TOR1AIP2: variants seen among roughly 807,000 people sequenced by gnomAD.
The protein encoded by TOR1AIP2 is torsin-1A-interacting protein 2.
A neutral mutation model predicts 32.6 loss-of-function variants in TOR1AIP2; 20 were observed. The ratio of observed to expected loss-of-function variants is 0.61; its 90% confidence interval spans 0.43 to 0.89. The LOEUF is 0.89. TOR1AIP2 is among the 40% of genes least tolerant of loss of function. The probability of loss-of-function intolerance (pLI) is 0.00; values close to 1 mark genes in which losing one functional copy is unlikely to be tolerated. For synonymous variants in TOR1AIP2, 214 were observed against 210.8 expected (o/e 1.02, Z -0.13); for missense variants, 456 against 553.8 (o/e 0.82, Z 1.77).
At position 179,840,553 on chromosome 1, in the gene TOR1AIP2, G is replaced by A. The variant is rs1337272892; in HGVS notation, c.*5518C>T. On this transcript the variant is annotated 3_prime_UTR_variant, in exon 7 of 7. Transcript: ENST00000609928. ...TAATACTGGAAGGAAAGGTACTGAAGACTAAGGTATTTACCTTTTTGCAGA... is the reference window on the plus strand; with the variant it reads ...TAATACTGGAAGGAAAGGTACTGAAAACTAAGGTATTTACCTTTTTGCAGA... 4 of 152,182 alleles carry A rather than the reference G, an allele frequency of 2.6e-5. No individual in the cohort carries two copies. The highest frequency in any genetic ancestry group is 5.9e-5 in the Non-Finnish European group (4 of 68,054). 9.4% of individuals were successfully genotyped at this position (152,182 alleles called of 1,614,324 possible).
In TOR1AIP2 at chr1:179,846,769, A is replaced by C. The variant is rs1695923365; in HGVS notation, c.715T>G (p.Tyr239Asp). The C allele has an allele frequency of 6.2e-7, 1 of 1,613,568 alleles. No individual in the cohort carries two copies. The highest frequency in any genetic ancestry group is 8.5e-7 in the Non-Finnish European group (1 of 1,179,878). The change falls in exon 7 of 7, where the codon TAT becomes GAT. Residue 239 changes from tyrosine to aspartate, a missense_variant. Transcript: ENST00000609928. Reference sequence around the variant, plus strand: ...GGCACTTGCTGGGCTGGAGAGGAATAGTAGCTATTCACAGAACTTGCCACA... The same window carrying C: ...GGCACTTGCTGGGCTGGAGAGGAATCGTAGCTATTCACAGAACTTGCCACA... ...AVVASSVNSYYSSPAQQVPKN... is the reference protein window; with the variant it reads ...AVVASSVNSYDSSPAQQVPKN...
In TOR1AIP2 at chr1:179,877,251, TTGAG is replaced by T. The variant is rs1473409603; in HGVS notation, c.-582_-579del. 9 of 152,102 alleles carry T rather than the reference TTGAG, an allele frequency of 5.9e-5. No individual in the cohort carries two copies. The highest frequency in any genetic ancestry group is 2.2e-4 in the African/African-American group (9 of 41,414). The allele number at this position is 152,102 out of a possible 1,614,324, so 9.4% of individuals were successfully genotyped here. A position where few individuals can be genotyped will look rare whatever the true frequency, so the allele number is the denominator to read the frequency against. On this transcript the variant is annotated 5_prime_UTR_variant, in exon 2 of 7. Transcript: ENST00000609928. ...ACCCCCAACCTACCTCGTTTACTGT[TTGAG>T]TGAGGCCAGGCGTGGTGGCTCACGC...
At chr1:179,857,914 G>A (rs1433572544) in intron 3 of TOR1AIP2, among the ~76,000 whole-genome samples, 1 of 152,120 alleles carries the variant, frequency 6.6e-6, no homozygotes, top group Non-Finnish European at 1.5e-5. Flanking sequence ...AACACTTCGA[G>A]AGGCCAAGGC....
chr1:179,863,444 CT>C (rs1443954719), intron 3 of TOR1AIP2: 1 of 985,224 alleles, frequency 1.0e-6, no homozygotes, highest in African/African-American at 1.7e-5. Flanking sequence ...TTGCTCTCTA[CT>C]TCCAGCCTTT....
intron 3 of TOR1AIP2, chr1:179,863,482 C>T (rs1311884475): frequency 1.0e-6 from 1 of 984,706 alleles, no homozygotes; most frequent in Non-Finnish European, 1.2e-6. Context: ...TCTGTTACAA[C>T]AAGAAGTCAT....
At chr1:179,848,029 T>C (rs1695978592) in intron 5 of TOR1AIP2, among the ~76,000 whole-genome samples, 1 of 133,766 alleles carries the variant, frequency 7.5e-6, no homozygotes, top group African/African-American at 2.9e-5. Context: ...CAAGACTCCA[T>C]CTCAGAAAAA....
chr1:179,863,862 C>A lies in TOR1AIP2; in HGVS notation c.-147+1574G>T, dbSNP rs114098754. 3.4e-3 allele frequency: 3,343 copies of A among 985,226 alleles called. 2 individuals carry two copies. The highest frequency in any genetic ancestry group is 5.6e-3 in the South Asian group (119 of 21,274). 61.0% of individuals were successfully genotyped at this position (985,226 alleles called of 1,614,324 possible). A position where few individuals can be genotyped will look rare whatever the true frequency, so the allele number is the denominator to read the frequency against. The stretch of plus-strand genomic sequence containing the variant: ...AACAGCTTTTTCTAAGTGGCTTAAC[C>A]CCAACTCTGGGTCCATGATTTTCAT... On this transcript the variant is annotated intron_variant, in intron 3 of 6. Coordinates refer to ENST00000609928, the MANE Select transcript of TOR1AIP2 (RefSeq NM_001199260.2).
intron 3 of TOR1AIP2, among the ~76,000 whole-genome samples, chr1:179,857,707 A>C (rs1172016216): frequency 6.6e-6 from 1 of 152,232 alleles, no homozygotes; most frequent in Non-Finnish European, 1.5e-5. Flanking sequence ...ACTACAATTC[A>C]ATACATATTA....
chr1:179,861,467 G>C, intron 3 of TOR1AIP2: 1 of 985,326 alleles, frequency 1.0e-6, no homozygotes, highest in Non-Finnish European at 1.2e-6. Context: ...TAACAGGTAT[G>C]TGATGTTTGA....
chr1:179,851,259 A>G lies in TOR1AIP2; in HGVS notation c.139T>C (p.Cys47Arg), dbSNP rs151336469. The stretch of plus-strand genomic sequence containing the variant: ...TCTTGGTGGTCTTTGCTAAGACCAC[A>G]GGCAGAGTGTAGGATCTCAGCTTCT... ...AEEAEILHSACGLSKDHQEVE... is the reference protein window; with the variant it reads ...AEEAEILHSARGLSKDHQEVE... Residue 47 changes from cysteine (C) to arginine (R), a missense_variant, in exon 5 of 7, where the codon TGT (cysteine) becomes CGT (arginine). Coordinates refer to ENST00000609928, the MANE Select transcript of TOR1AIP2 (RefSeq NM_001199260.2). 3.4e-4 allele frequency: 546 copies of G among 1,612,544 alleles called. 3 individuals are homozygous for G. Among genetic ancestry groups the G allele is most frequent in the Non-Finnish European group, 3.7e-4 (437 of 1,180,008 alleles).
intron 3 of TOR1AIP2, chr1:179,865,147 A>G (rs777625747): frequency 6.2e-7 from 1 of 1,611,700 alleles, no homozygotes; most frequent in Non-Finnish European, 8.5e-7. Flanking sequence ...GTTGTCCACA[A>G]TCAGGGCAAT....
chr1:179,873,639 T>C (rs1352597435), intron 2 of TOR1AIP2: 3 of 152,244 alleles, frequency 2.0e-5, no homozygotes, highest in Non-Finnish European at 4.4e-5. Context: ...GGATTTTGTC[T>C]GCAACAACTA....
At chr1:179,859,104 T>TA in intron 3 of TOR1AIP2, 1 of 985,258 alleles carries the variant, frequency 1.0e-6, no homozygotes, top group South Asian at 4.7e-5. Flanking sequence ...GCTCTAGGGA[T>TA]AAAAAGAAAC....
intron 3 of TOR1AIP2, chr1:179,864,238 G>T: frequency 7.1e-6 from 7 of 985,410 alleles, no homozygotes; most frequent in Non-Finnish European, 7.2e-6. Flanking sequence ...GGCCAATGAT[G>T]AATAAATGGC....
intron 5 of TOR1AIP2, among the ~76,000 whole-genome samples, chr1:179,848,063 C>T (rs1244612748): frequency 6.8e-6 from 1 of 146,328 alleles, no homozygotes; most frequent in African/African-American, 2.5e-5. Flanking sequence ...CCAAAGTTAA[C>T]ATTTTTCCTG....
intron 2 of TOR1AIP2, among the ~76,000 whole-genome samples, chr1:179,872,956 T>C (rs1313509948): frequency 6.6e-6 from 1 of 152,222 alleles, no homozygotes. Flanking sequence ...CATTATATCC[T>C]TCATCTAGCA....
intron 3 of TOR1AIP2, chr1:179,860,024 T>C (rs1696457789): frequency 5.5e-6 from 4 of 726,080 alleles, no homozygotes; most frequent in Non-Finnish European, 5.1e-6. Context: ...TTTAAAACTT[T>C]TTTGTAGAGT....
intron 3 of TOR1AIP2, chr1:179,863,243 A>AT (rs1696626412): frequency 1.0e-6 from 1 of 985,692 alleles, no homozygotes; most frequent in Non-Finnish European, 1.2e-6. Flanking sequence ...AAAAAAAAAA[A>AT]AAAAGCCCTG....
intron 3 of TOR1AIP2, chr1:179,861,915 G>T (rs1696549933): frequency 1.1e-6 from 1 of 948,200 alleles, no homozygotes; most frequent in Non-Finnish European, 1.3e-6. Context: ...GCCCAGGCTG[G>T]TCTTGAACTC....
Sources: allele counts gnomAD v4.1 joint callset (sites outside exome capture counted in the v4.1 genomes callset), GRCh38; gene constraint gnomAD v4.1.1; transcripts MANE v1.5; gene names NCBI Gene and HGNC (gene_info 2026-07-23, HGNC 2026-07-21).